Variants in TTC29 observed in about 807,000 individuals in gnomAD.
TTC29 encodes the protein tetratricopeptide repeat protein 29.
A neutral mutation model predicts 58.1 loss-of-function variants in TTC29; 49 were observed. That is an observed-to-expected ratio of 0.84 (90% CI 0.67 to 1.07). The LOEUF is 1.07. Ranked by LOEUF, TTC29 falls within the 50% of genes least tolerant of loss-of-function variation. The pLI is 0.00. For synonymous variants in TTC29, 209 were observed against 196.8 expected (o/e 1.06, Z -0.52); for missense variants, 582 against 555.6 (o/e 1.05, Z -0.48).
At chr4:146,924,971 G>T (rs1734829232) in intron 4 of TTC29, among the ~76,000 whole-genome samples, 1 of 151,670 alleles carries the variant, frequency 6.6e-6, no homozygotes, top group Non-Finnish European at 1.5e-5. Flanking sequence ...TTGATTCAGG[G>T]GTTATTTAGA....
At chr4:146,810,941 G>A (rs1212079599) in intron 10 of TTC29, among the ~76,000 whole-genome samples, 1 of 152,078 alleles carries the variant, frequency 6.6e-6, no homozygotes, top group African/African-American at 2.4e-5. Flanking sequence ...GAAAATAAAT[G>A]TATCTATCCT....
intron 8 of TTC29, among the ~76,000 whole-genome samples, chr4:146,842,795 T>C (rs1055672448): frequency 6.6e-6 from 1 of 152,070 alleles, no homozygotes; most frequent in Non-Finnish European, 1.5e-5. Context: ...GTGTATTACT[T>C]TGAGGAAAAA....
intron 6 of TTC29, among the ~76,000 whole-genome samples, chr4:146,880,501 C>T (rs539014329): frequency 1.1e-3 from 161 of 152,156 alleles, no homozygotes; most frequent in African/African-American, 3.5e-3. Flanking sequence ...AAGACAAACA[C>T]GATGTAGGGA....
intron 11 of TTC29, among the ~76,000 whole-genome samples, chr4:146,732,593 C>A (rs148491475): frequency 6.6e-6 from 1 of 151,686 alleles, no homozygotes; most frequent in Admixed American, 6.6e-5. Flanking sequence ...GGTTTAACTA[C>A]GGGAATGAGT....
chr4:146,800,834 T>C (rs1179901162), intron 11 of TTC29, among the ~76,000 whole-genome samples: 1 of 152,156 alleles, frequency 6.6e-6, no homozygotes, highest in Non-Finnish European at 1.5e-5. Flanking sequence ...TCAAGAGACT[T>C]TTACCCTTAA....
intron 11 of TTC29, among the ~76,000 whole-genome samples, chr4:146,799,305 A>G (rs773584241): frequency 1.6e-4 from 25 of 152,198 alleles, no homozygotes; most frequent in Admixed American, 3.9e-4. Flanking sequence ...CCTCCTCATT[A>G]TTAAAGTTAA....
chr4:146,794,910 T>C (rs1749733384), intron 11 of TTC29, among the ~76,000 whole-genome samples: 1 of 152,108 alleles, frequency 6.6e-6, no homozygotes, highest in South Asian at 2.1e-4. Flanking sequence ...TCACTAAAGT[T>C]TGAAATTAAC....
At chr4:146,858,464 A>G (rs1252577225) in intron 8 of TTC29, among the ~76,000 whole-genome samples, 1 of 152,210 alleles carries the variant, frequency 6.6e-6, no homozygotes, top group East Asian at 1.9e-4. Context: ...TAATATATGT[A>G]CATCAACTTC....
intron 11 of TTC29, among the ~76,000 whole-genome samples, chr4:146,756,366 C>A (rs17021909): frequency 6.6e-6 from 1 of 151,792 alleles, no homozygotes; most frequent in African/African-American, 2.4e-5. Flanking sequence ...GCATTACATC[C>A]ATGAAGTTCA....
chr4:146,833,925 C>T (rs1441810168), intron 8 of TTC29, 28 bp from the exon 9 acceptor site: 3 of 1,468,828 alleles, frequency 2.0e-6, no homozygotes, highest in South Asian at 2.3e-5. Flanking sequence ...ACATATTGAA[C>T]ATATAGCACA....
At position 146,756,168 on chromosome 4, in the gene TTC29, G is replaced by A. The variant is rs375903927; in HGVS notation, c.1330+47289C>T. ...AGGTGCCTGTAGTCCCAGCTACTTG[G>A]GAGGCTGAGGAGGAAAATGGTGTGA... On this transcript the variant is annotated intron_variant, in intron 11 of 12. Transcript: ENST00000325106. Among the ~76,000 whole-genome samples the A allele has an allele frequency of 3.4e-4, 52 of 151,908 alleles. No individual in the cohort carries two copies. The South Asian group carries it at 0.01, about 30-fold the overall frequency.
chr4:146,784,882 A>G (rs769257594), intron 11 of TTC29, among the ~76,000 whole-genome samples: 3 of 152,212 alleles, frequency 2.0e-5, no homozygotes, highest in Non-Finnish European at 2.9e-5. Flanking sequence ...CTACCAAATG[A>G]TATTTCTTTA....
intron 10 of TTC29, among the ~76,000 whole-genome samples, chr4:146,818,274 G>T (rs966088496): frequency 1.3e-5 from 2 of 152,112 alleles, no homozygotes; most frequent in Non-Finnish European, 2.9e-5. Flanking sequence ...GTGGGCAAAG[G>T]ATATGAACAG....
chr4:146,792,610 C>G (rs1749545883), intron 11 of TTC29, among the ~76,000 whole-genome samples: 1 of 152,122 alleles, frequency 6.6e-6, no homozygotes, highest in South Asian at 2.1e-4. Flanking sequence ...AAATATCCAT[C>G]TGTTACCCAT....
intron 9 of TTC29, among the ~76,000 whole-genome samples, chr4:146,832,331 T>A (rs1728218577): frequency 6.6e-6 from 1 of 152,184 alleles, no homozygotes; most frequent in African/African-American, 2.4e-5. Context: ...TTCTGGGTTG[T>A]TGTTTGGAAG....
At chr4:146,828,535 C>A (rs922367136) in intron 9 of TTC29, among the ~76,000 whole-genome samples, 1 of 151,892 alleles carries the variant, frequency 6.6e-6, no homozygotes, top group Admixed American at 6.6e-5. Context: ...TATTTATGTT[C>A]ATGTTTCTAA....
intron 5 of TTC29, among the ~76,000 whole-genome samples, chr4:146,904,428 T>A (rs1255432813): frequency 6.6e-6 from 1 of 152,106 alleles, no homozygotes; most frequent in African/African-American, 2.4e-5. Flanking sequence ...TCTTGTAGGT[T>A]TTTTTTCCTA....
chr4:146,924,502 T>A (rs1170279871), intron 4 of TTC29, among the ~76,000 whole-genome samples: 2 of 151,936 alleles, frequency 1.3e-5, no homozygotes, highest in Admixed American at 1.3e-4. Context: ...TTTGAGAAAT[T>A]TAGCCATTTC....
intron 5 of TTC29, among the ~76,000 whole-genome samples, chr4:146,904,293 T>C (rs1043382228): frequency 6.6e-6 from 1 of 152,226 alleles, no homozygotes; most frequent in African/African-American, 2.4e-5. Context: ...GCAATGTTTC[T>C]AGCAATACAA....
Sources: allele counts gnomAD v4.1 joint callset (sites outside exome capture counted in the v4.1 genomes callset), GRCh38; gene constraint gnomAD v4.1.1; transcripts MANE v1.5; gene names NCBI Gene and HGNC (gene_info 2026-07-23, HGNC 2026-07-21).